The following GPC6 variants were observed in gnomAD, a reference collection of about 807,000 sequenced individuals.
GPC6 encodes the protein glypican 6, also known as glypican-6.
GPC6 carries 14 observed loss-of-function variants against 55.2 expected under a neutral mutation model. That is an observed-to-expected ratio of 0.25 (90% CI 0.17 to 0.40). GPC6 has a LOEUF of 0.40. Among genes scored for constraint, GPC6 ranks in the 10% least tolerant of loss-of-function variants. The pLI, the probability that GPC6 is intolerant of heterozygous loss-of-function variation, is 1.00. For synonymous variants in GPC6, 278 were observed against 259.6 expected (o/e 1.07, Z -0.68); for missense variants, 641 against 708.5 (o/e 0.90, Z 1.08).
At chr13:94,382,977 A>G (rs1035379824) in intron 7 of GPC6, among the ~76,000 whole-genome samples, 1 of 152,156 alleles carries the variant, frequency 6.6e-6, no homozygotes, top group Admixed American at 6.6e-5. Context: ...TGTTGGAAAA[A>G]AAATTGAAGT....
chr13:93,620,576 T>C (rs1484123862), intron 2 of GPC6, among the ~76,000 whole-genome samples: 1 of 152,216 alleles, frequency 6.6e-6, no homozygotes, highest in Non-Finnish European at 1.5e-5. Flanking sequence ...ATACCGAAGA[T>C]GTTTTCAATT....
At chr13:94,343,756 A>C (rs1036175116) in intron 6 of GPC6, among the ~76,000 whole-genome samples, 15 of 152,054 alleles carry the variant, frequency 9.9e-5, no homozygotes, top group African/African-American at 3.4e-4. Context: ...TTGAGGCAGG[A>C]TCTTGCTCTG....
At chr13:93,770,355 C>G (rs1452872191) in intron 2 of GPC6, among the ~76,000 whole-genome samples, 1 of 152,122 alleles carries the variant, frequency 6.6e-6, no homozygotes, top group Non-Finnish European at 1.5e-5. Context: ...CATATTATTT[C>G]TCTTTAGGTC....
chr13:93,457,532 T>A (rs1594183450), intron 1 of GPC6, among the ~76,000 whole-genome samples: 1 of 152,186 alleles, frequency 6.6e-6, no homozygotes, highest in Non-Finnish European at 1.5e-5. Flanking sequence ...GGGTTCTTGG[T>A]ACTTCTTCTA....
chr13:94,240,237 G>A (rs1260168811), intron 4 of GPC6, among the ~76,000 whole-genome samples: 1 of 152,072 alleles, frequency 6.6e-6, no homozygotes, highest in Non-Finnish European at 1.5e-5. Flanking sequence ...TACATGAACA[G>A]CACAGCCATA....
At chr13:93,642,663 A>AT (rs1298039576) in intron 2 of GPC6, among the ~76,000 whole-genome samples, 1 of 152,064 alleles carries the variant, frequency 6.6e-6, no homozygotes, top group Non-Finnish European at 1.5e-5. Flanking sequence ...TCATTTTTAT[A>AT]TTTTTGTGTG....
intron 2 of GPC6, among the ~76,000 whole-genome samples, chr13:93,631,342 G>T (rs1300937987): frequency 6.6e-6 from 1 of 152,124 alleles, no homozygotes. Context: ...CAGGTCGGTT[G>T]GAGTTTCTCT....
chr13:93,831,852 A>T (rs1887511592), intron 3 of GPC6, among the ~76,000 whole-genome samples: 1 of 150,872 alleles, frequency 6.6e-6, no homozygotes, highest in Non-Finnish European at 1.5e-5. Context: ...GCACTTTGGG[A>T]GGTTGAGGCG....
chr13:93,319,067 C>T (rs1475449), intron 1 of GPC6, among the ~76,000 whole-genome samples: 81,288 of 151,740 alleles, frequency 0.54, 22,358 homozygotes, highest in East Asian at 0.77. Flanking sequence ...TCCGATAGCA[C>T]TGGCAGACTG....
chr13:93,844,353 G>A (rs1417610019), intron 3 of GPC6, among the ~76,000 whole-genome samples: 1 of 152,056 alleles, frequency 6.6e-6, no homozygotes, highest in Admixed American at 6.6e-5. Flanking sequence ...TGGCCAGGAT[G>A]GTCTCGATCT....
At chr13:94,142,041 T>C (rs996213170) in intron 4 of GPC6, among the ~76,000 whole-genome samples, 1 of 152,126 alleles carries the variant, frequency 6.6e-6, no homozygotes, top group Admixed American at 6.5e-5. Context: ...GAAATCTTAT[T>C]GAATATCCTA....
chr13:93,253,732 A>G (rs965887127), intron 1 of GPC6, among the ~76,000 whole-genome samples: 5 of 152,228 alleles, frequency 3.3e-5, no homozygotes, highest in Non-Finnish European at 7.3e-5. Flanking sequence ...ATCATGCCCT[A>G]TGAACCTCCT....
chr13:93,240,293 C>G (rs11838690), intron 1 of GPC6, among the ~76,000 whole-genome samples: 1 of 152,036 alleles, frequency 6.6e-6, no homozygotes, highest in Non-Finnish European at 1.5e-5. Context: ...TTTTACAAAT[C>G]CGGAAGCTCT....
intron 1 of GPC6, among the ~76,000 whole-genome samples, chr13:93,272,077 C>T (rs9561295): frequency 0.46 from 68,994 of 150,924 alleles, 17,707 homozygotes; most frequent in African/African-American, 0.71. Flanking sequence ...ATTTTTTTTT[C>T]GCTTGTATTA....
intron 2 of GPC6, among the ~76,000 whole-genome samples, chr13:93,778,611 C>T (rs1459748984): frequency 2.0e-5 from 3 of 152,106 alleles, no homozygotes; most frequent in South Asian, 2.1e-4. Flanking sequence ...ATTTTAGGTA[C>T]CCACTTTCAC....
chr13:94,160,543 C>T (rs1179488598), intron 4 of GPC6, among the ~76,000 whole-genome samples: 2 of 152,230 alleles, frequency 1.3e-5, no homozygotes, highest in Non-Finnish European at 2.9e-5. Context: ...GGGGCCCTTC[C>T]ATGCACTGCA....
At chr13:93,613,200 A>T (rs1022259659) in intron 2 of GPC6, among the ~76,000 whole-genome samples, 3 of 152,182 alleles carry the variant, frequency 2.0e-5, no homozygotes, top group African/African-American at 7.2e-5. Context: ...TTTACAACCA[A>T]TGCCACTAGT....
chr13:94,226,913 A>G (rs1890575941), intron 4 of GPC6, among the ~76,000 whole-genome samples: 1 of 152,132 alleles, frequency 6.6e-6, no homozygotes, highest in Admixed American at 6.6e-5. Flanking sequence ...GCGTGGCCCA[A>G]GGAAAGATGC....
At chr13:93,216,609 AG>A in the GPC6 span, among the ~76,000 whole-genome samples, 1 of 152,166 alleles carries the variant, frequency 6.6e-6, no homozygotes, top group South Asian at 2.1e-4. Flanking sequence ...CTAGACAGCC[AG>A]GGACTGGACA....
Sources: allele counts gnomAD v4.1 joint callset (sites outside exome capture counted in the v4.1 genomes callset), GRCh38; gene constraint gnomAD v4.1.1; transcripts MANE v1.5; gene names NCBI Gene and HGNC (gene_info 2026-07-23, HGNC 2026-07-21).